TRMT10A: variants seen among roughly 807,000 people sequenced by gnomAD.
TRMT10A encodes tRNA methyltransferase 10 homolog A.
Under a neutral mutation model 40.4 loss-of-function variants are expected in TRMT10A, and 37 were observed. That is an observed-to-expected ratio of 0.92 (90% CI 0.71 to 1.21). The LOEUF (loss-of-function observed/expected upper bound fraction) is 1.21, where lower values mean the gene tolerates loss of function less well. Among genes scored for constraint, TRMT10A ranks in the 50% most tolerant of loss-of-function variants. TRMT10A has a pLI of 0.00. For synonymous variants in TRMT10A, 103 were observed against 134.1 expected (o/e 0.77, Z 1.60); for missense variants, 388 against 404.3 (o/e 0.96, Z 0.35).
Position 99,553,881 on chromosome 4 carries a change from C to T in TRMT10A, c.549G>A (p.Leu183=), listed in dbSNP as rs1342255412. 6.2e-7 allele frequency: 1 copy of T among 1,613,380 alleles called. No homozygotes were observed. The highest frequency in any genetic ancestry group is 8.5e-7 in the Non-Finnish European group (1 of 1,179,752). The change falls in exon 6 of 8, where the codon CTG becomes CTA. Residue 183 remains leucine, a synonymous_variant. Coordinates refer to ENST00000394876, the MANE Select transcript of TRMT10A (RefSeq NM_001134665.3). ...HYSELIKKED[L]IYLTSDSPNI... is the part of the protein sequence containing the mutation. Reference sequence around the variant, plus strand: ...TAGGTGAATCTGACGTAAGGTAAATCAGGTCTTCTTTCTTTATGAGTTCAC... The same window carrying T: ...TAGGTGAATCTGACGTAAGGTAAATTAGGTCTTCTTTCTTTATGAGTTCAC...
At chr4:99,562,660 G>T (rs1276010016) in intron 1 of TRMT10A, among the ~76,000 whole-genome samples, 1 of 150,650 alleles carries the variant, frequency 6.6e-6, no homozygotes, top group Non-Finnish European at 1.5e-5. Context: ...CGAGTAGCTG[G>T]GACTACAGGT....
chr4:99,554,583 T>TG (rs1724087681), intron 5 of TRMT10A, among the ~76,000 whole-genome samples: 1 of 151,754 alleles, frequency 6.6e-6, no homozygotes, highest in Non-Finnish European at 1.5e-5. Context: ...TAGCTGGGTG[T>TG]GGTGGCGGGC....
Position 99,546,744 on chromosome 4 carries a change from TCTA to T in TRMT10A, c.*2341_*2343del, listed in dbSNP as rs1723751582. On this transcript the variant is annotated 3_prime_UTR_variant, in exon 8 of 8. Transcript: ENST00000394876. ...TGCATTTATTTAGGTAGTTTAATTC[TCTA>T]CTTTTATTATGTTCTAATACAAGTA... 1 of 152,206 alleles carries T rather than the reference TCTA, an allele frequency of 6.6e-6. No homozygotes were observed. The highest frequency in any genetic ancestry group is 1.5e-5 in the Non-Finnish European group (1 of 68,026). 9.4% of individuals were successfully genotyped at this position (152,206 alleles called of 1,614,324 possible).
chr4:99,560,585 T>TA (rs1560604285), intron 1 of TRMT10A, among the ~76,000 whole-genome samples: 240 of 152,116 alleles, frequency 1.6e-3, no homozygotes, highest in African/African-American at 5.5e-3. Context: ...ATTAATTTTT[T>TA]TAAAAAAAAT....
intron 1 of TRMT10A, among the ~76,000 whole-genome samples, chr4:99,561,633 T>C (rs1724401966): frequency 6.6e-6 from 1 of 152,230 alleles, no homozygotes. Flanking sequence ...TCGCACTGTC[T>C]ACACTATACA....
rs1724290977 is a variant in TRMT10A, at chr4:99,559,310, A to G, written c.29T>C (p.Ile10Thr). MSSEMLPAF[I>T]ETSNVDKKQG... ...CTTTTTGTCAACATTAGAAGTTTCA[A>G]TAAATGCTGGCAACATTTCAGATGA... The change falls in exon 2 of 8, where the codon ATT (isoleucine) becomes ACT (threonine). Residue 10 changes from isoleucine (I) to threonine (T), a missense_variant. Physicochemically the swap from Ile to Thr is moderately conservative, Grantham distance 89. Coordinates refer to ENST00000394876, the MANE Select transcript of TRMT10A (RefSeq NM_001134665.3). The G allele has an allele frequency of 6.2e-7, 1 of 1,612,014 alleles. No individual in the cohort carries two copies. Among genetic ancestry groups the G allele is most frequent in the South Asian group, 1.1e-5 (1 of 90,730 alleles).
chr4:99,560,382 A>G (rs138382885), intron 1 of TRMT10A, among the ~76,000 whole-genome samples: 84 of 152,318 alleles, frequency 5.5e-4, no homozygotes, highest in Middle Eastern at 3.4e-3. Context: ...AAAGTTCAAT[A>G]GAAGAGACAA....
chr4:99,553,687 T>A (rs1724047699), intron 6 of TRMT10A, 98 bp downstream of exon 6: 2 of 1,235,294 alleles, frequency 1.6e-6, no homozygotes, highest in South Asian at 1.5e-5. Flanking sequence ...AGGCACTCAA[T>A]AAAGATGAGC....
intron 7 of TRMT10A, 103 bp downstream of exon 7, chr4:99,550,782 T>C (rs1297760087): frequency 1.3e-6 from 1 of 756,376 alleles, no homozygotes; most frequent in Admixed American, 3.2e-5. Context: ...CAATTTTGTC[T>C]CCAGGAAGGT....
chr4:99,562,716 G>A (rs1342356825), intron 1 of TRMT10A, among the ~76,000 whole-genome samples: 2 of 151,690 alleles, frequency 1.3e-5, no homozygotes, highest in African/African-American at 4.8e-5. Flanking sequence ...TAGTAGAGAC[G>A]GGGTTTCACC....
chr4:99,557,633 T>C, intron 3 of TRMT10A: 1 of 460,006 alleles, frequency 2.2e-6, no homozygotes, highest in Non-Finnish European at 3.8e-6. Flanking sequence ...TTTCATATTT[T>C]GTATTTATTT....
Position 99,562,515 on chromosome 4 carries a change from C to CTTTTTTT in TRMT10A, c.-24+1391_-24+1397dup, listed in dbSNP as rs67816425. Among the ~76,000 whole-genome samples the CTTTTTTT allele has an allele frequency of 2.1e-4, 16 of 76,638 alleles. 2 individuals carry two copies. The highest frequency in any genetic ancestry group is 3.0e-4 in the African/African-American group (5 of 16,808). 50.3% of individuals were successfully genotyped at this position (76,638 alleles called of 152,430 possible). Reference sequence around the variant, plus strand: ...CTTGACAGCGATAGCAAAGGAATGCCTTTTTTTTTTTTTTTTTTTTTTTTT... The same window carrying CTTTTTTT: ...CTTGACAGCGATAGCAAAGGAATGCCTTTTTTTTTTTTTTTTTTTTTTTTTTTTTTTT... On this transcript the variant is annotated intron_variant, in intron 1 of 7. Coordinates refer to ENST00000394876, the MANE Select transcript of TRMT10A (RefSeq NM_001134665.3).
chr4:99,557,331 A>G lies in TRMT10A; in HGVS notation c.420+14T>C, dbSNP rs1254777667. 3 of 1,604,042 alleles carry G rather than the reference A, an allele frequency of 1.9e-6. No individual in the cohort carries two copies. The African/African-American group carries it at 4.0e-5, about 22-fold the overall frequency. Reference sequence around the variant, plus strand: ...AAAGAAAACTAGAGTCTGCTTTAAAATCTTTACACATACCTGCACAGGATG... The same window carrying G: ...AAAGAAAACTAGAGTCTGCTTTAAAGTCTTTACACATACCTGCACAGGATG... On this transcript the variant is annotated intron_variant, in intron 4 of 7. Transcript: ENST00000394876.
Position 99,556,687 on chromosome 4 carries a change from TAAAAC to T in TRMT10A, c.421-472_421-468del, listed in dbSNP as rs557463923. ...ATCACAGAAGTGTGATATGAGACTA[TAAAAC>T]AAAAAGTATAAAAAACAAAAATACA... is the stretch of plus-strand genomic sequence containing the variant. On this transcript the variant is annotated intron_variant, in intron 4 of 7. Coordinates refer to ENST00000394876, the MANE Select transcript of TRMT10A (RefSeq NM_001134665.3). Among the ~76,000 whole-genome samples the T allele has an allele frequency of 4.6e-5, 7 of 152,214 alleles. No homozygotes were observed. The South Asian group carries it at 1.5e-3, about 32-fold the overall frequency.
intron 2 of TRMT10A, among the ~76,000 whole-genome samples, chr4:99,558,526 G>A (rs572559535): frequency 2.6e-5 from 4 of 151,970 alleles, no homozygotes; most frequent in Admixed American, 6.5e-5. Context: ...GAGTTATGAC[G>A]AATTTTATTT....
At chr4:99,561,102 G>A (rs1055158060) in intron 1 of TRMT10A, among the ~76,000 whole-genome samples, 1 of 151,994 alleles carries the variant, frequency 6.6e-6, no homozygotes, top group African/African-American at 2.4e-5. Context: ...GAGTAACTGG[G>A]ATTACAAGCG....
At chr4:99,556,749 C>T (rs1578210684) in intron 4 of TRMT10A, among the ~76,000 whole-genome samples, 1 of 152,236 alleles carries the variant, frequency 6.6e-6, no homozygotes, top group Middle Eastern at 3.4e-3. Context: ...AACAAAATAT[C>T]TAACCAAAAT....
chr4:99,560,632 G>T (rs559944626), intron 1 of TRMT10A, among the ~76,000 whole-genome samples: 1 of 152,032 alleles, frequency 6.6e-6, no homozygotes, highest in Non-Finnish European at 1.5e-5. Context: ...TAAGAAACTG[G>T]AGGTGGGGAA....
intron 5 of TRMT10A, among the ~76,000 whole-genome samples, chr4:99,554,482 G>T (rs1724082531): frequency 6.6e-6 from 1 of 152,088 alleles, no homozygotes; most frequent in African/African-American, 2.4e-5. Context: ...CAGCACTTTG[G>T]AAGGCTGAGG....
Sources: allele counts gnomAD v4.1 joint callset (sites outside exome capture counted in the v4.1 genomes callset), GRCh38; gene constraint gnomAD v4.1.1; transcripts MANE v1.5; gene names NCBI Gene and HGNC (gene_info 2026-07-23, HGNC 2026-07-21).